Variants in FCHO2 observed in about 807,000 individuals in gnomAD.
The protein encoded by FCHO2 is F-BAR domain only protein 2.
FCHO2 carries 43 observed loss-of-function variants against 114.1 expected under a neutral mutation model. That is an observed-to-expected ratio of 0.38 (90% CI 0.30 to 0.49). The LOEUF is 0.49. Ranked by LOEUF, FCHO2 falls within the 20% of genes least tolerant of loss-of-function variation. FCHO2 has a pLI of 0.97. For missense variants in FCHO2, 807 were observed against 950.4 expected (o/e 0.85, Z 1.98); for synonymous variants, 293 against 315.2 (o/e 0.93, Z 0.75).
Position 72,956,480 on chromosome 5 carries a change from C to T in FCHO2, c.33+351C>T, listed in dbSNP as rs1024366632. Among the ~76,000 whole-genome samples, 13 of 151,854 alleles carry T rather than the reference C, an allele frequency of 8.6e-5. No individual in the cohort carries two copies. In the East Asian group the frequency reaches 1.2e-3, roughly 14 times the overall value. On this transcript the variant is annotated intron_variant, in intron 1 of 25. Transcript: ENST00000430046. ...CGCGGGGCGTGCGCGGCAGCTCGGA[C>T]GCGAAGGACGGGCCCGCGGCACAGC...
rs1367064748 is a variant in FCHO2, at chr5:73,056,093, T to A, written c.1239T>A (p.Ser413=). 1.3e-6 allele frequency: 2 copies of A among 1,530,744 alleles called. No individual in the cohort carries two copies. Among genetic ancestry groups the A allele is most frequent in the Admixed American group, 4.4e-5 (2 of 45,846 alleles). The allele number at this position is 1,530,744 out of a possible 1,614,324, so 94.8% of individuals were successfully genotyped here. A position where few individuals can be genotyped will look rare whatever the true frequency, so the allele number is the denominator to read the frequency against. Residue 413 remains serine (S), a synonymous_variant, in exon 16 of 26, where the codon TCT becomes TCA. Coordinates refer to ENST00000430046, the MANE Select transcript of FCHO2 (RefSeq NM_138782.3). ...AGGAGTTAACAAAATCAAAGCCATCTGCTCCACCCAATGAGTAAGTTTCCA... is the reference window on the plus strand; with the variant it reads ...AGGAGTTAACAAAATCAAAGCCATCAGCTCCACCCAATGAGTAAGTTTCCA... ...SNEELTKSKP[S]APPNEKGTSD...
At chr5:72,997,792 A>T in intron 5 of FCHO2, 1 of 1,260,550 alleles carries the variant, frequency 7.9e-7, no homozygotes. Flanking sequence ...CCTACACTCC[A>T]CTTGGAGTCT....
chr5:72,973,881 C>CCATA (rs1752711388), intron 2 of FCHO2, among the ~76,000 whole-genome samples: 1 of 148,968 alleles, frequency 6.7e-6, no homozygotes, highest in South Asian at 2.1e-4. Context: ...TGAATGCGTC[C>CCATA]CAGAGATTCT....
intron 8 of FCHO2, among the ~76,000 whole-genome samples, chr5:73,027,155 A>G (rs1390816721): frequency 2.6e-5 from 4 of 150,974 alleles, no homozygotes; most frequent in African/African-American, 9.7e-5. Flanking sequence ...AATTTTGTAT[A>G]TCTTTTTATA....
chr5:73,055,268 G>C (rs904008770), intron 15 of FCHO2, among the ~76,000 whole-genome samples: 1 of 152,156 alleles, frequency 6.6e-6, no homozygotes, highest in South Asian at 2.1e-4. Context: ...AGAGCAAAAT[G>C]CAGAAATATT....
chr5:72,971,982 C>G (rs1179390350), intron 2 of FCHO2, among the ~76,000 whole-genome samples: 15 of 151,198 alleles, frequency 9.9e-5, no homozygotes, highest in Middle Eastern at 3.5e-3. Context: ...GCTTGTTTTT[C>G]TCAGGTTTGT....
chr5:73,069,673 CCTT>C (rs79994013), intron 19 of FCHO2, among the ~76,000 whole-genome samples: 23,404 of 151,838 alleles, frequency 0.15, 1,996 homozygotes, highest in East Asian at 0.34. Context: ...ACATTCTCCT[CCTT>C]CTGTGCAGCT....
chr5:72,973,080 G>C (rs1752658013), intron 2 of FCHO2, among the ~76,000 whole-genome samples: 1 of 152,162 alleles, frequency 6.6e-6, no homozygotes, highest in African/African-American at 2.4e-5. Flanking sequence ...TAAGCTTTTT[G>C]ATGTGTTGCT....
intron 2 of FCHO2, among the ~76,000 whole-genome samples, chr5:72,969,208 C>T (rs973565211): frequency 9.9e-5 from 15 of 152,118 alleles, no homozygotes; most frequent in Admixed American, 1.3e-4. Context: ...AAAATCTTTA[C>T]CTTGATAATA....
chr5:73,033,069 A>G (rs1049082653), intron 8 of FCHO2, among the ~76,000 whole-genome samples: 1 of 152,128 alleles, frequency 6.6e-6, no homozygotes, highest in East Asian at 1.9e-4. Flanking sequence ...CCTCTAAGGG[A>G]TTCTAAGAAC....
At chr5:73,004,480 C>G (rs774410243) in intron 5 of FCHO2, among the ~76,000 whole-genome samples, 5 of 152,146 alleles carry the variant, frequency 3.3e-5, no homozygotes, top group Non-Finnish European at 7.4e-5. Flanking sequence ...TCGGATATAT[C>G]TTTATATTAC....
At chr5:73,032,252 A>G (rs1197368054) in intron 8 of FCHO2, among the ~76,000 whole-genome samples, 1 of 152,196 alleles carries the variant, frequency 6.6e-6, no homozygotes, top group Non-Finnish European at 1.5e-5. Flanking sequence ...AAAAGGTAGT[A>G]TTTAGTTTTA....
chr5:73,086,428 T>C (rs1007377801), intron 24 of FCHO2, among the ~76,000 whole-genome samples: 6 of 152,248 alleles, frequency 3.9e-5, no homozygotes, highest in African/African-American at 1.2e-4. Context: ...AGTGTTAAGC[T>C]TCTGTGCAGG....
intron 1 of FCHO2, among the ~76,000 whole-genome samples, chr5:72,957,869 G>A (rs1047112404): frequency 1.2e-4 from 19 of 152,282 alleles, no homozygotes; most frequent in African/African-American, 4.3e-4. Context: ...TATAGTGAGT[G>A]AACGTGAAGT....
At chr5:73,007,033 C>T (rs1754753534) in intron 6 of FCHO2, among the ~76,000 whole-genome samples, 1 of 152,162 alleles carries the variant, frequency 6.6e-6, no homozygotes, top group Non-Finnish European at 1.5e-5. Flanking sequence ...AGGTGGCTGC[C>T]TTTTAGGAAT....
intron 16 of FCHO2, among the ~76,000 whole-genome samples, chr5:73,056,884 T>A (rs143104699): frequency 2.6e-5 from 4 of 151,640 alleles, no homozygotes; most frequent in Non-Finnish European, 4.4e-5. Flanking sequence ...AAAAAAAAAA[T>A]GTTAAGCCAA....
intron 4 of FCHO2, 34 bp downstream of exon 4, chr5:72,990,653 G>A: frequency 6.5e-7 from 1 of 1,528,750 alleles, no homozygotes. Flanking sequence ...TAATTGATTG[G>A]TCAGATATTG....
At chr5:73,084,886 T>C (rs1332911471) in intron 24 of FCHO2, among the ~76,000 whole-genome samples, 1 of 152,208 alleles carries the variant, frequency 6.6e-6, no homozygotes, top group African/African-American at 2.4e-5. Flanking sequence ...TATTAATATA[T>C]AGCTTTTTGT....
intron 5 of FCHO2, 27 bp from the exon 6 acceptor site, chr5:73,006,418 A>C: frequency 7.1e-7 from 1 of 1,401,998 alleles, no homozygotes; most frequent in Non-Finnish European, 9.4e-7. Flanking sequence ...TGCACAGTTA[A>C]AAGTTTTTTA....
Sources: allele counts gnomAD v4.1 joint callset (sites outside exome capture counted in the v4.1 genomes callset), GRCh38; gene constraint gnomAD v4.1.1; transcripts MANE v1.5; gene names NCBI Gene and HGNC (gene_info 2026-07-23, HGNC 2026-07-21).